CCDC3: variants seen among roughly 807,000 people sequenced by gnomAD.
The protein encoded by CCDC3 is coiled-coil domain containing 3, also known as coiled-coil domain-containing protein 3.
CCDC3 carries 24 observed loss-of-function variants against 21.4 expected under a neutral mutation model. The ratio of observed to expected loss-of-function variants is 1.12; its 90% CI spans 0.81 to 1.58. The LOEUF (loss-of-function observed/expected upper bound fraction) is 1.58, where lower values mean the gene tolerates loss of function less well. Among genes scored for constraint, CCDC3 ranks in the 40% most tolerant of loss-of-function variants. CCDC3 has a pLI of 0.00. For missense variants in CCDC3, 425 were observed against 360.9 expected (o/e 1.18, Z -1.44); for synonymous variants, 186 against 166.0 (o/e 1.12, Z -0.93).
intron 4 of CCDC3, among the ~76,000 whole-genome samples, chr10:13,060,545 C>T (rs1486987896): frequency 6.6e-6 from 1 of 152,154 alleles, no homozygotes; most frequent in African/African-American, 2.4e-5. Context: ...CACTCTGTTG[C>T]CCAAGCTGGA....
intron 2 of CCDC3, among the ~76,000 whole-genome samples, chr10:12,950,729 CTT>C (rs1055944255): frequency 1.3e-5 from 2 of 152,152 alleles, no homozygotes; most frequent in African/African-American, 4.8e-5. Context: ...GTCAGAAACC[CTT>C]AGAAGCACCC....
At chr10:13,067,584 G>C (rs190374995) in intron 4 of CCDC3, among the ~76,000 whole-genome samples, 1 of 152,228 alleles carries the variant, frequency 6.6e-6, no homozygotes, top group African/African-American at 2.4e-5. Flanking sequence ...TTGTTTTAGG[G>C]AGCATGACCT....
intron 2 of CCDC3, among the ~76,000 whole-genome samples, chr10:12,988,516 G>C (rs892450228): frequency 1.2e-4 from 18 of 152,138 alleles, no homozygotes; most frequent in Middle Eastern, 3.4e-3. Context: ...GCTAATTTTT[G>C]TATTTTTAGT....
At chr10:13,043,104 G>A (rs915915623) in intron 5 of CCDC3, among the ~76,000 whole-genome samples, 4 of 151,976 alleles carry the variant, frequency 2.6e-5, no homozygotes, top group African/African-American at 7.3e-5. Flanking sequence ...GGGGGTACAT[G>A]TCAGGTTTGT....
intron 2 of CCDC3, among the ~76,000 whole-genome samples, chr10:12,954,752 C>A (rs1053929330): frequency 6.6e-6 from 1 of 152,324 alleles, no homozygotes; most frequent in East Asian, 1.9e-4. Context: ...GCACCTCCAA[C>A]GTCGGGGATC....
At chr10:13,068,832 C>A (rs1298555910) in intron 4 of CCDC3, among the ~76,000 whole-genome samples, 4 of 152,152 alleles carry the variant, frequency 2.6e-5, no homozygotes, top group Admixed American at 2.6e-4. Context: ...TGTATAAGAA[C>A]AGTAAGATGT....
chr10:12,989,113 C>T (rs1246562000), intron 2 of CCDC3, among the ~76,000 whole-genome samples: 1 of 152,224 alleles, frequency 6.6e-6, no homozygotes. Context: ...TTCATAGCCC[C>T]CTACAATCTG....
At chr10:12,986,782 A>AC (rs1272950246) in intron 2 of CCDC3, among the ~76,000 whole-genome samples, 1 of 84,854 alleles carries the variant, frequency 1.2e-5, no homozygotes, top group Non-Finnish European at 3.3e-5. Flanking sequence ...CAAAAAAAAA[A>AC]AACAAAAAAA....
intron 5 of CCDC3, among the ~76,000 whole-genome samples, chr10:13,020,399 G>C (rs1210656981): frequency 6.6e-6 from 1 of 152,196 alleles, no homozygotes; most frequent in Non-Finnish European, 1.5e-5. Flanking sequence ...TCTTCACACA[G>C]AGGGTTGTGC....
At chr10:12,964,020 G>C (rs1835221223) in intron 2 of CCDC3, among the ~76,000 whole-genome samples, 1 of 152,152 alleles carries the variant, frequency 6.6e-6, no homozygotes, top group South Asian at 2.1e-4. Flanking sequence ...TACAACTCTG[G>C]CCAATGACAT....
chr10:13,023,628 C>T (rs1292972699), intron 5 of CCDC3, among the ~76,000 whole-genome samples: 1 of 152,188 alleles, frequency 6.6e-6, no homozygotes, highest in Non-Finnish European at 1.5e-5. Context: ...CTACACAAAG[C>T]TCTGAATCCC....
At chr10:13,016,821 G>A (rs949641794) in intron 5 of CCDC3, among the ~76,000 whole-genome samples, 5 of 152,074 alleles carry the variant, frequency 3.3e-5, no homozygotes, top group Admixed American at 6.5e-5. Context: ...CATTAATACA[G>A]GGTACATCTT....
At chr10:13,068,322 G>A (rs1477915704) in intron 4 of CCDC3, among the ~76,000 whole-genome samples, 1 of 151,998 alleles carries the variant, frequency 6.6e-6, no homozygotes, top group African/African-American at 2.4e-5. Flanking sequence ...TCTTCTGCTT[G>A]TGTAGTTAAA....
chr10:12,910,086 G>T (rs1434422991), intron 2 of CCDC3, among the ~76,000 whole-genome samples: 1 of 152,322 alleles, frequency 6.6e-6, no homozygotes, highest in African/African-American at 2.4e-5. Context: ...GCCACATCCA[G>T]GTCCTGCTTC....
chr10:12,922,656 C>T (rs897114729), intron 2 of CCDC3, among the ~76,000 whole-genome samples: 1 of 152,118 alleles, frequency 6.6e-6, no homozygotes, highest in African/African-American at 2.4e-5. Flanking sequence ...TGCTCTTCCC[C>T]CTCCCGGACC....
intron 4 of CCDC3, among the ~76,000 whole-genome samples, chr10:13,060,950 G>A (rs1232128461): frequency 6.6e-6 from 1 of 152,226 alleles, no homozygotes; most frequent in African/African-American, 2.4e-5. Flanking sequence ...TCAAGGAAGA[G>A]AGGGCTCTAA....
intron 5 of CCDC3, among the ~76,000 whole-genome samples, chr10:13,020,082 G>T (rs988517070): frequency 6.6e-6 from 1 of 152,138 alleles, no homozygotes; most frequent in African/African-American, 2.4e-5. Context: ...TAGGACCTTG[G>T]AAAATACTTT....
At chr10:13,094,930 C>T (rs1188005724) in intron 3 of CCDC3, among the ~76,000 whole-genome samples, 1 of 152,070 alleles carries the variant, frequency 6.6e-6, no homozygotes, top group Non-Finnish European at 1.5e-5. Context: ...ACACCGTGAA[C>T]AGGCTTGTCT....
At chr10:13,015,527 C>A (rs772793362) in intron 5 of CCDC3, among the ~76,000 whole-genome samples, 7 of 152,022 alleles carry the variant, frequency 4.6e-5, no homozygotes, top group Non-Finnish European at 8.8e-5. Flanking sequence ...ACTCATGCAG[C>A]CCTTACGACT....
Sources: allele counts gnomAD v4.1 joint callset (sites outside exome capture counted in the v4.1 genomes callset), GRCh38; gene constraint gnomAD v4.1.1; transcripts MANE v1.5; gene names NCBI Gene and HGNC (gene_info 2026-07-23, HGNC 2026-07-21).